ZBTB17: variants seen among roughly 807,000 people sequenced by gnomAD.
The protein encoded by ZBTB17 is zinc finger and BTB domain-containing protein 17.
ZBTB17 carries 24 observed loss-of-function variants against 85.1 expected under a neutral mutation model. That is an observed-to-expected ratio of 0.28 (90% CI 0.20 to 0.40). ZBTB17 has a LOEUF of 0.40. Among genes scored for constraint, ZBTB17 ranks in the 10% least tolerant of loss-of-function variants. The probability of loss-of-function intolerance (pLI) is 1.00; values close to 1 mark genes in which losing one functional copy is unlikely to be tolerated. For missense variants in ZBTB17, 743 were observed against 1,105.1 expected, an observed-to-expected ratio of 0.67 and a Z score of 4.65; for synonymous variants, 464 against 460.2, an observed-to-expected ratio of 1.01 and a Z score of -0.11.
chr1:15,971,288 G>A (rs2072641413), intron 2 of ZBTB17, among the ~76,000 whole-genome samples: 1 of 151,150 alleles, frequency 6.6e-6, no homozygotes, highest in Admixed American at 6.6e-5. Context: ...GGGTAGGTAG[G>A]TGGGTGGGTG....
rs1270710487 is a variant in ZBTB17, at chr1:15,944,802, T to C, written c.965A>G (p.Lys322Arg). ...GKEFTHTGNFKRHIRIHTGEK... is the reference protein window; with the variant it reads ...GKEFTHTGNFRRHIRIHTGEK... ...CCCCGTGTGGATGCGGATGTGCCGCTTGAAGTTCCCCGTGTGCGTGAACTC... is the reference window on the plus strand; with the variant it reads ...CCCCGTGTGGATGCGGATGTGCCGCCTGAAGTTCCCCGTGTGCGTGAACTC... Residue 322 changes from lysine to arginine, a missense_variant, in exon 8 of 16, where the codon AAG becomes AGG. By Grantham distance (26) the Lys-to-Arg change is conservative. This residue lies in a region of ZBTB17 where 321 missense variants were observed against 615.7 expected (regional missense o/e 0.52). Coordinates refer to ENST00000375743, the MANE Select transcript of ZBTB17 (RefSeq NM_003443.3). 1.2e-6 allele frequency: 2 copies of C among 1,610,794 alleles called. No homozygotes were observed. The highest frequency in any genetic ancestry group is 8.5e-7 in the Non-Finnish European group (1 of 1,178,846).
rs371769017 is a variant in ZBTB17 at position 15,966,942 on chromosome 1, C to CA, written c.-3+6096dup. Among the ~76,000 whole-genome samples the CA allele has an allele frequency of 0.072, 10,435 of 145,088 alleles. 571 individuals are homozygous for CA. The highest frequency in any genetic ancestry group is 0.15 in the African/African-American group (6,089 of 39,680). ...ATTAATTAATTAATTAATTAAAAAA[C>CA]AAAAAAAAAAGCCGTGGCCAGCAAA... On this transcript the variant is annotated intron_variant, in intron 2 of 15. Transcript: ENST00000375743. This position sits in a 1 kb window ranked among gnomAD's most constrained non-coding sequence, Gnocchi z 4.1.
At chr1:15,965,271 A>G (rs2072402925) in intron 2 of ZBTB17, among the ~76,000 whole-genome samples, 1 of 152,110 alleles carries the variant, frequency 6.6e-6, no homozygotes. Flanking sequence ...AACTAACAAA[A>G]TGTCTACAAA....
chr1:15,955,715 C>T (rs1467865833), intron 2 of ZBTB17, among the ~76,000 whole-genome samples: 2 of 152,142 alleles, frequency 1.3e-5, no homozygotes, highest in African/African-American at 4.8e-5. Flanking sequence ...TTTGGGAGGC[C>T]AAGGCTGGAG....
At chr1:15,956,861 C>T (rs1363483586) in intron 2 of ZBTB17, among the ~76,000 whole-genome samples, 2 of 152,120 alleles carry the variant, frequency 1.3e-5, no homozygotes, top group Admixed American at 6.5e-5. Context: ...CTGAGCAGAT[C>T]GAGAGGCAGG....
rs1242055862 is a variant in ZBTB17, at chr1:15,966,701, T to A, written c.-3+6338A>T. 1.3e-5 allele frequency among the ~76,000 whole-genome samples: 2 copies of A among 152,130 alleles called. No homozygotes were observed. Among genetic ancestry groups the A allele is most frequent in the Non-Finnish European group, 2.9e-5 (2 of 68,030 alleles). On this transcript the variant is annotated intron_variant, in intron 2 of 15. Transcript: ENST00000375743. This position sits in a 1 kb window ranked among gnomAD's most constrained non-coding sequence, Gnocchi z 4.1. ...TCAAACTATTGATGTCCATAAGGAT[T>A]CTCTGTGCTGGCATTCCACACACAC...
At chr1:15,948,589 G>T in intron 2 of ZBTB17, 92 bp from the exon 3 acceptor site, 1 of 1,323,066 alleles carries the variant, frequency 7.6e-7, no homozygotes. Flanking sequence ...CGAGCACCAT[G>T]GAGAAGACAG....
rs1302691569 is a variant in ZBTB17 at position 15,964,927 on chromosome 1, A to G, written c.-3+8112T>C. Among the ~76,000 whole-genome samples the G allele has an allele frequency of 6.6e-6, 1 of 152,072 alleles. No individual in the cohort carries two copies. Among genetic ancestry groups the G allele is most frequent in the Non-Finnish European group, 1.5e-5 (1 of 68,012 alleles). Reference sequence around the variant, plus strand: ...TCAGGAGTTCAAGACCAGCCTGGCCAAGATGCTGAAACCCCGTCTACTAAA... The same window carrying G: ...TCAGGAGTTCAAGACCAGCCTGGCCGAGATGCTGAAACCCCGTCTACTAAA... On this transcript the variant is annotated intron_variant, in intron 2 of 15. Coordinates refer to ENST00000375743, the MANE Select transcript of ZBTB17 (RefSeq NM_003443.3). This position sits in a 1 kb window ranked among gnomAD's most constrained non-coding sequence, Gnocchi z 4.3.
rs2071616098 is a variant in ZBTB17, at chr1:15,946,436, C to T, written c.395-142G>A. On this transcript the variant is annotated intron_variant, in intron 4 of 15. Transcript: ENST00000375743. ...GTGGTTTGCTGATTTGTTCATTCACCAAATTATTCACAGGGCACCCACTCC... is the reference window on the plus strand; with the variant it reads ...GTGGTTTGCTGATTTGTTCATTCACTAAATTATTCACAGGGCACCCACTCC... 2.3e-6 allele frequency: 3 copies of T among 1,309,710 alleles called. No individual in the cohort carries two copies. The South Asian group carries it at 4.3e-5, about 19-fold the overall frequency. The allele number at this position is 1,309,710 out of a possible 1,614,324, so 81.1% of individuals were successfully genotyped here. A position where few individuals can be genotyped will look rare whatever the true frequency, so the allele number is the denominator to read the frequency against.
rs145127269 is a variant in ZBTB17 at position 15,951,766 on chromosome 1, A to G, written c.-2-3269T>C. On this transcript the variant is annotated intron_variant, in intron 2 of 15. Coordinates refer to ENST00000375743, the MANE Select transcript of ZBTB17 (RefSeq NM_003443.3). This position sits in a 1 kb window ranked among gnomAD's most constrained non-coding sequence, Gnocchi z 4.1. The stretch of plus-strand genomic sequence containing the variant: ...GCGACAGGAACCCAGCAGGACGGCC[A>G]GGCTTGGAGGGACATAGGAAAAGGG... Among the ~76,000 whole-genome samples the G allele has an allele frequency of 6.4e-3, 980 of 152,226 alleles. 8 individuals carry two copies. Among genetic ancestry groups the G allele is most frequent in the Middle Eastern group, 0.02 (6 of 294 alleles).
At chr1:15,948,797 C>G (rs188274507) in intron 2 of ZBTB17, among the ~76,000 whole-genome samples, 1 of 151,660 alleles carries the variant, frequency 6.6e-6, no homozygotes, top group Non-Finnish European at 1.5e-5. Flanking sequence ...CATGAAAAAG[C>G]CAAAAAAGGG....
Position 15,941,900 on chromosome 1 carries a change from GAA to G in ZBTB17, c.*67_*68del. On this transcript the variant is annotated 3_prime_UTR_variant, in exon 16 of 16. Coordinates refer to ENST00000375743, the MANE Select transcript of ZBTB17 (RefSeq NM_003443.3). The stretch of plus-strand genomic sequence containing the variant: ...AATAATCCAATTTATTCTCTCTAGG[GAA>G]CAGGCCACCCTTCCCGGTTCCAGGG... 3 of 1,532,682 alleles carry G rather than the reference GAA, an allele frequency of 2.0e-6. No individual in the cohort carries two copies. The East Asian group carries it at 6.8e-5, about 35-fold the overall frequency. The allele number at this position is 1,532,682 out of a possible 1,614,324, so 94.9% of individuals were successfully genotyped here. A position where few individuals can be genotyped will look rare whatever the true frequency, so the allele number is the denominator to read the frequency against.
In ZBTB17 at chr1:15,951,610, G is replaced by A. The variant is rs2071846226; in HGVS notation, c.-2-3113C>T. Among the ~76,000 whole-genome samples the A allele has an allele frequency of 6.6e-6, 1 of 152,190 alleles. No individual in the cohort carries two copies. The highest frequency in any genetic ancestry group is 2.4e-5 in the African/African-American group (1 of 41,446). ...CTCTCAAGGCCCGTGGCGAGACGGA[G>A]GCATGGCCGGCTGGGTCCTTCCCTC... On this transcript the variant is annotated intron_variant, in intron 2 of 15. Transcript: ENST00000375743. The surrounding 1 kb of genome is among the most constrained non-coding windows in gnomAD (Gnocchi z 4.1).
chr1:15,960,910 A>G (rs1376420744), intron 2 of ZBTB17, among the ~76,000 whole-genome samples: 1 of 152,160 alleles, frequency 6.6e-6, no homozygotes, highest in Non-Finnish European at 1.5e-5. Context: ...GATGTAATAC[A>G]TGCTCCAGCC....
chr1:15,956,677 A>C (rs924618045), intron 2 of ZBTB17, among the ~76,000 whole-genome samples: 1 of 152,224 alleles, frequency 6.6e-6, no homozygotes, highest in African/African-American at 2.4e-5. Context: ...ATAAATTAGG[A>C]AACAGATACA....
At chr1:15,956,713 A>G (rs2072056566) in intron 2 of ZBTB17, among the ~76,000 whole-genome samples, 1 of 152,214 alleles carries the variant, frequency 6.6e-6, no homozygotes, top group Non-Finnish European at 1.5e-5. Flanking sequence ...AATGAATTTC[A>G]CAAATGTCTA....
intron 2 of ZBTB17, among the ~76,000 whole-genome samples, chr1:15,954,245 G>A (rs2071966330): frequency 6.6e-6 from 1 of 152,206 alleles, no homozygotes; most frequent in African/African-American, 2.4e-5. Flanking sequence ...ACAGCTCCAT[G>A]TCAGAGTCAA....
Position 15,943,626 on chromosome 1 carries a change from G to T in ZBTB17, c.1549C>A (p.Leu517Met). The change falls in exon 11 of 16, where the codon CTG becomes ATG. Residue 517 changes from leucine to methionine, a missense_variant. This residue lies in a region of ZBTB17 where 321 missense variants were observed against 615.7 expected (regional missense o/e 0.52). Coordinates refer to ENST00000375743, the MANE Select transcript of ZBTB17 (RefSeq NM_003443.3). The part of the protein sequence containing the change: ...CQRQFADPGA[L>M]QRHVRIHTGE... ...GTGTGAATGCGGACGTGCCGCTGCAGAGCGCCGGGGTCTGCAAACTGTCGC... is the reference window on the plus strand; with the variant it reads ...GTGTGAATGCGGACGTGCCGCTGCATAGCGCCGGGGTCTGCAAACTGTCGC... 6.2e-7 allele frequency: 1 copy of T among 1,612,980 alleles called. No homozygotes were observed. The highest frequency in any genetic ancestry group is 8.5e-7 in the Non-Finnish European group (1 of 1,179,948).
At chr1:15,943,947 C>A in intron 9 of ZBTB17, 52 bp from the exon 10 acceptor site, 1 of 1,503,632 alleles carries the variant, frequency 6.7e-7, no homozygotes, top group Non-Finnish European at 9.1e-7. Context: ...CGGCCCCGGG[C>A]CCCCTCACCT....
Sources: allele counts gnomAD v4.1 joint callset (sites outside exome capture counted in the v4.1 genomes callset), GRCh38; gene constraint gnomAD v4.1.1; regional missense constraint gnomAD v4.1.1; non-coding constraint Gnocchi (gnomAD v3.1); transcripts MANE v1.5; gene names NCBI Gene and HGNC (gene_info 2026-07-23, HGNC 2026-07-21).